The following LPP variants were observed in gnomAD, a reference collection of about 807,000 sequenced individuals.
The protein encoded by LPP is lipoma-preferred partner.
A neutral mutation model predicts 60.4 loss-of-function variants in LPP; 38 were observed. The ratio of observed to expected loss-of-function variants is 0.63; its 90% CI spans 0.49 to 0.83. The LOEUF (loss-of-function observed/expected upper bound fraction) is 0.83, where lower values mean the gene tolerates loss of function less well. Ranked by LOEUF, LPP falls within the 40% of genes least tolerant of loss-of-function variation. LPP has a pLI of 0.00. For missense variants in LPP, 902 were observed against 783.6 expected (o/e 1.15, Z -1.80); for synonymous variants, 328 against 290.8 (o/e 1.13, Z -1.30).
intron 1 of LPP, among the ~76,000 whole-genome samples, chr3:188,205,371 C>T (rs890915621): frequency 7.3e-5 from 11 of 150,898 alleles, no homozygotes; most frequent in Non-Finnish European, 1.6e-4. Context: ...ACCTCCGCCC[C>T]ACCAGGTTCA....
rs1181113853 is a variant in LPP, at chr3:188,407,771, TTTTTTTTTGTTTG to T, written c.193+1462_193+1474del. On this transcript the variant is annotated intron_variant, in intron 4 of 11. Transcript: ENST00000617246. ...TATGTTGGCTTCCTCATTTATGGTT[TTTTTTTTTGTTTG>T]TTTGTTTTTTTTTTTTTTTTTTTGA... is the stretch of plus-strand genomic sequence containing the variant. Among the ~76,000 whole-genome samples, 121 of 33,248 alleles carry T rather than the reference TTTTTTTTTGTTTG, an allele frequency of 3.6e-3. 3 individuals carry two copies. The highest frequency in any genetic ancestry group is 0.012 in the South Asian group (4 of 346). 21.8% of individuals were successfully genotyped at this position (33,248 alleles called of 152,430 possible).
At position 188,882,248 on chromosome 3, in the gene LPP, G is replaced by A. The variant is rs1770119208; in HGVS notation, c.*7769G>A. 2 of 220,430 alleles carry A rather than the reference G, an allele frequency of 9.1e-6. No individual in the cohort carries two copies. The highest frequency in any genetic ancestry group is 1.3e-4 in the East Asian group (2 of 14,908). 13.7% of individuals were successfully genotyped at this position (220,430 alleles called of 1,614,324 possible). A position where few individuals can be genotyped will look rare whatever the true frequency, so the allele number is the denominator to read the frequency against. On this transcript the variant is annotated 3_prime_UTR_variant, in exon 12 of 12. Transcript: ENST00000617246. Reference sequence around the variant, plus strand: ...TGAGCTGATTCTTTGACTTGATTTAGAAGTTGAGAAAAGAGTATTTAAGGC... The same window carrying A: ...TGAGCTGATTCTTTGACTTGATTTAAAAGTTGAGAAAAGAGTATTTAAGGC...
intron 7 of LPP, among the ~76,000 whole-genome samples, chr3:188,663,812 C>T (rs890388770): frequency 6.6e-6 from 1 of 152,156 alleles, no homozygotes; most frequent in African/African-American, 2.4e-5. Flanking sequence ...AGATTATCGG[C>T]ATTAGAGTCT....
At chr3:188,222,168 A>G (rs2149293042) in intron 1 of LPP, among the ~76,000 whole-genome samples, 1 of 152,342 alleles carries the variant, frequency 6.6e-6, no homozygotes, top group South Asian at 2.1e-4. Context: ...CATTTCCAAA[A>G]AGTTTGCTTT....
intron 2 of LPP, among the ~76,000 whole-genome samples, chr3:188,281,754 A>G (rs1742158233): frequency 6.6e-6 from 1 of 151,958 alleles, no homozygotes; most frequent in East Asian, 1.9e-4. Context: ...GTCATTAGCA[A>G]TTTGCCATGT....
intron 2 of LPP, among the ~76,000 whole-genome samples, chr3:188,312,000 TTAAAC>T (rs1168540584): frequency 6.6e-6 from 1 of 152,156 alleles, no homozygotes; most frequent in Non-Finnish European, 1.5e-5. Flanking sequence ...AAAATATAGT[TTAAAC>T]TATAGTATAA....
chr3:188,367,229 T>C lies in LPP; in HGVS notation c.-10+25510T>C, dbSNP rs73055550. 1.5e-3 allele frequency among the ~76,000 whole-genome samples: 232 copies of C among 151,796 alleles called. 1 individual carries two copies. The highest frequency in any genetic ancestry group is 5.4e-3 in the African/African-American group (225 of 41,424). The stretch of plus-strand genomic sequence containing the variant: ...GATTCTTAGTTAAGCCTATGAATAG[T>C]TAGAAAAAAAAAAGAGAAGAGAGAA... On this transcript the variant is annotated intron_variant, in intron 3 of 11. Coordinates refer to ENST00000617246, the MANE Select transcript of LPP (RefSeq NM_001375462.1).
chr3:188,868,176 G>C (rs1767144956), intron 10 of LPP, among the ~76,000 whole-genome samples: 2 of 152,174 alleles, frequency 1.3e-5, no homozygotes, highest in Admixed American at 1.3e-4. Flanking sequence ...AGTATGTTCT[G>C]TTACTGTTTC....
chr3:188,245,273 T>C lies in LPP; in HGVS notation c.-67+19746T>C, dbSNP rs1276838119. The stretch of plus-strand genomic sequence containing the variant: ...GATTACAGGCACCCGCCACTACGCC[T>C]GACTAATTTTTGTATTTTTCATAGA... On this transcript the variant is annotated intron_variant, in intron 2 of 11. Transcript: ENST00000617246. Among the ~76,000 whole-genome samples the C allele has an allele frequency of 2.0e-5, 3 of 152,088 alleles. No individual in the cohort carries two copies. In the East Asian group the frequency reaches 5.8e-4, roughly 29 times the overall value.
rs560634510 is a variant in LPP at position 188,507,698 on chromosome 3, G to A, written c.307-16967G>A. Among the ~76,000 whole-genome samples, 240 of 152,280 alleles carry A rather than the reference G, an allele frequency of 1.6e-3. 2 individuals are homozygous for A. Among genetic ancestry groups the A allele is most frequent in the South Asian group, 2.9e-3 (14 of 4,824 alleles). Reference sequence around the variant, plus strand: ...GGGTGGCGGAGGTGGGGAAGGCAGGGAAGGGAATGGTGATGTTCTTTCATA... The same window carrying A: ...GGGTGGCGGAGGTGGGGAAGGCAGGAAAGGGAATGGTGATGTTCTTTCATA... On this transcript the variant is annotated intron_variant, in intron 5 of 11. Coordinates refer to ENST00000617246, the MANE Select transcript of LPP (RefSeq NM_001375462.1).
At chr3:188,504,992 A>C (rs1813034961) in intron 5 of LPP, among the ~76,000 whole-genome samples, 1 of 152,194 alleles carries the variant, frequency 6.6e-6, no homozygotes, top group Non-Finnish European at 1.5e-5. Flanking sequence ...AGCTGTATGC[A>C]AGCTGCTTCA....
At chr3:188,653,850 A>T (rs1017939459) in intron 7 of LPP, among the ~76,000 whole-genome samples, 2 of 152,214 alleles carry the variant, frequency 1.3e-5, no homozygotes, top group Admixed American at 6.5e-5. Flanking sequence ...TGAGTCTTAG[A>T]TGCAAAACTG....
At chr3:188,276,072 A>G (rs1560189090) in intron 2 of LPP, among the ~76,000 whole-genome samples, 1 of 152,240 alleles carries the variant, frequency 6.6e-6, no homozygotes, top group African/African-American at 2.4e-5. Context: ...TTAAAAAATG[A>G]TTTGGCAAAA....
intron 8 of LPP, among the ~76,000 whole-genome samples, chr3:188,717,387 C>T (rs555297889): frequency 1.3e-5 from 2 of 152,308 alleles, no homozygotes; most frequent in African/African-American, 4.8e-5. Flanking sequence ...TATTATGTGA[C>T]AAGAAAATGG....
intron 9 of LPP, among the ~76,000 whole-genome samples, chr3:188,856,611 G>C (rs763582354): frequency 6.6e-6 from 1 of 152,122 alleles, no homozygotes; most frequent in Non-Finnish European, 1.5e-5. Flanking sequence ...AGATTGTTAA[G>C]GCAGAATACT....
chr3:188,436,184 C>T (rs985708796), intron 4 of LPP, among the ~76,000 whole-genome samples: 3 of 152,170 alleles, frequency 2.0e-5, no homozygotes, highest in African/African-American at 7.2e-5. Context: ...GAGGTAATGT[C>T]ACCTAGTACC....
At chr3:188,531,452 A>C (rs1335497974) in intron 6 of LPP, among the ~76,000 whole-genome samples, 1 of 151,956 alleles carries the variant, frequency 6.6e-6, no homozygotes, top group Non-Finnish European at 1.5e-5. Flanking sequence ...GGGCTCCTGG[A>C]TTTTGGCTGG....
At chr3:188,748,937 A>G (rs959630074) in intron 8 of LPP, among the ~76,000 whole-genome samples, 4 of 152,110 alleles carry the variant, frequency 2.6e-5, no homozygotes, top group East Asian at 1.9e-4. Context: ...TTTTGCCTCA[A>G]CACAGCTCTG....
chr3:188,759,228 A>G (rs1181267586), intron 8 of LPP: 1 of 152,244 alleles, frequency 6.6e-6, no homozygotes, highest in African/African-American at 2.4e-5. Context: ...GCTTACTGCA[A>G]ATTTTAAAAA....
Sources: allele counts gnomAD v4.1 joint callset (sites outside exome capture counted in the v4.1 genomes callset), GRCh38; gene constraint gnomAD v4.1.1; transcripts MANE v1.5; gene names NCBI Gene and HGNC (gene_info 2026-07-23, HGNC 2026-07-21).